Variants in MOCS2 observed in about 807,000 individuals in gnomAD.
MOCS2 encodes the protein molybdopterin synthase catalytic subunit.
In MOCS2, 13 loss-of-function variants were observed where a neutral mutation model predicts 21.9. The ratio of observed to expected loss-of-function variants is 0.59; its 90% CI spans 0.39 to 0.94. The LOEUF is 0.94. Ranked by LOEUF, MOCS2 falls within the 40% of genes least tolerant of loss-of-function variation. The probability of loss-of-function intolerance (pLI) is 0.00; values close to 1 mark genes in which losing one functional copy is unlikely to be tolerated. For synonymous variants in MOCS2, 92 were observed against 80.8 expected, an observed-to-expected ratio of 1.14 and a Z score of -0.74; for missense variants, 227 against 218.3, an observed-to-expected ratio of 1.04 and a Z score of -0.25.
rs1413292437 is a variant in MOCS2 at position 53,096,345 on chromosome 5, T to C, written c.*2257A>G. 6.6e-6 allele frequency: 1 copy of C among 152,220 alleles called. No homozygotes were observed. Among genetic ancestry groups the C allele is most frequent in the Non-Finnish European group, 1.5e-5 (1 of 68,038 alleles). The allele number at this position is 152,220 out of a possible 1,614,324, so 9.4% of individuals were successfully genotyped here. On this transcript the variant is annotated 3_prime_UTR_variant, in exon 7 of 7. Transcript: ENST00000396954. ...TACTTTCATTCAAAGATGATAAAAA[T>C]CAATTTCATTTTACCACCTGTTCAA... is the stretch of plus-strand genomic sequence containing the variant.
At chr5:53,099,283 A>C (rs906137398) in intron 6 of MOCS2, among the ~76,000 whole-genome samples, 1 of 152,222 alleles carries the variant, frequency 6.6e-6, no homozygotes, top group African/African-American at 2.4e-5. Flanking sequence ...GCATGAAAAC[A>C]AGAATATGCC....
chr5:53,106,368 A>G (rs937534760), intron 3 of MOCS2, among the ~76,000 whole-genome samples: 5 of 152,252 alleles, frequency 3.3e-5, no homozygotes, highest in African/African-American at 1.2e-4. Flanking sequence ...CTATGCAGCC[A>G]TAAGAAAGAA....
Position 53,095,783 on chromosome 5 carries a change from C to T in MOCS2, c.*2819G>A, listed in dbSNP as rs573878817. 18 of 152,196 alleles carry T rather than the reference C, an allele frequency of 1.2e-4. No individual in the cohort carries two copies. Among genetic ancestry groups the T allele is most frequent in the Non-Finnish European group, 2.5e-4 (17 of 68,018 alleles). The allele number at this position is 152,196 out of a possible 1,614,324, so 9.4% of individuals were successfully genotyped here. A position where few individuals can be genotyped will look rare whatever the true frequency, so the allele number is the denominator to read the frequency against. The stretch of plus-strand genomic sequence containing the variant: ...CTGTATTAAAGCAATCATTTATATC[C>T]CATAGTTAACTGGAAAATAATTTTA... On this transcript the variant is annotated 3_prime_UTR_variant, in exon 7 of 7. Transcript: ENST00000396954.
rs939499172 is a variant in MOCS2, at chr5:53,109,615, C to T, written c.-534G>A. On this transcript the variant is annotated 5_prime_UTR_variant, in exon 1 of 7. Coordinates refer to ENST00000396954, the MANE Select transcript of MOCS2 (RefSeq NM_004531.5). ...CAGGTTGGGGGCTAGTGGGGAGGTC[C>T]GACTGACCAAGGCTGGGTATGTGGA... 6.6e-7 allele frequency: 1 copy of T among 1,517,156 alleles called. No individual in the cohort carries two copies. The highest frequency in any genetic ancestry group is 8.9e-7 in the Non-Finnish European group (1 of 1,126,854). 94.0% of individuals were successfully genotyped at this position (1,517,156 alleles called of 1,614,324 possible). A position where few individuals can be genotyped will look rare whatever the true frequency, so the allele number is the denominator to read the frequency against.
chr5:53,098,286 A>C lies in MOCS2; in HGVS notation c.*316T>G. Reference sequence around the variant, plus strand: ...TCTGAGCTAGTTAAAGTCACTGAGGAGGGCCCATACCTCAATGTGTGTTGA... The same window carrying C: ...TCTGAGCTAGTTAAAGTCACTGAGGCGGGCCCATACCTCAATGTGTGTTGA... On this transcript the variant is annotated 3_prime_UTR_variant, in exon 7 of 7. Transcript: ENST00000396954. The C allele has an allele frequency of 6.7e-5, 21 of 313,180 alleles. No homozygotes were observed. The highest frequency in any genetic ancestry group is 2.7e-4 in the East Asian group (4 of 14,936). The allele number at this position is 313,180 out of a possible 1,614,324, so 19.4% of individuals were successfully genotyped here.
rs544116503 is a variant in MOCS2 at position 53,096,821 on chromosome 5, G to C, written c.*1781C>G. The C allele has an allele frequency of 1.4e-4, 22 of 152,258 alleles. No individual in the cohort carries two copies. Among genetic ancestry groups the C allele is most frequent in the African/African-American group, 5.1e-4 (21 of 41,548 alleles). 9.4% of individuals were successfully genotyped at this position (152,258 alleles called of 1,614,324 possible). ...ATGATTCTTTTAAAACATAAAGAAT[G>C]TTCTATGTTCTTTAAAAACATCATT... On this transcript the variant is annotated 3_prime_UTR_variant, in exon 7 of 7. Transcript: ENST00000396954.
At chr5:53,107,927 TC>T (rs1254116430) in intron 2 of MOCS2, 1 of 151,436 alleles carries the variant, frequency 6.6e-6, no homozygotes, top group Non-Finnish European at 1.5e-5. Context: ...AACTAGGACT[TC>T]CAGGTTAAAC....
Position 53,098,495 on chromosome 5 carries a change from G to C in MOCS2, c.*107C>G. The C allele has an allele frequency of 3.1e-6, 3 of 957,796 alleles. No individual in the cohort carries two copies. The South Asian group carries it at 4.0e-5, about 13-fold the overall frequency. The allele number at this position is 957,796 out of a possible 1,614,324, so 59.3% of individuals were successfully genotyped here. On this transcript the variant is annotated 3_prime_UTR_variant, in exon 7 of 7. Transcript: ENST00000396954. Reference sequence around the variant, plus strand: ...TCCCTTTTGTCCCACTAGTATAAGAGATTGTGCTTCAGTAAACTATCCTGA... The same window carrying C: ...TCCCTTTTGTCCCACTAGTATAAGACATTGTGCTTCAGTAAACTATCCTGA...
chr5:53,109,460 C>A lies in MOCS2; in HGVS notation c.-379G>T. 1 of 1,288,664 alleles carries A rather than the reference C, an allele frequency of 7.8e-7. No homozygotes were observed. 79.8% of individuals were successfully genotyped at this position (1,288,664 alleles called of 1,614,324 possible). On this transcript the variant is annotated 5_prime_UTR_variant, in exon 1 of 7. Coordinates refer to ENST00000396954, the MANE Select transcript of MOCS2 (RefSeq NM_004531.5). ...GGAGGCGCCTTCAGAACGAGTCCGT[C>A]CTTGCTGCCGTGAGCTGACAAGAGT...
At chr5:53,103,875 G>A (rs920060584) in intron 3 of MOCS2, among the ~76,000 whole-genome samples, 1 of 152,236 alleles carries the variant, frequency 6.6e-6, no homozygotes, top group Non-Finnish European at 1.5e-5. Flanking sequence ...CCCCCAGGCA[G>A]AGAGAGGGAG....
chr5:53,105,704 C>T (rs1741031368), intron 3 of MOCS2, among the ~76,000 whole-genome samples: 1 of 152,112 alleles, frequency 6.6e-6, no homozygotes, highest in South Asian at 2.1e-4. Flanking sequence ...AAAGCAATTG[C>T]AGCAAAAGCA....
Position 53,109,255 on chromosome 5 carries a change from C to A in MOCS2, c.-174G>T, listed in dbSNP as rs1741136187. The A allele has an allele frequency of 2.4e-5, 24 of 995,668 alleles. No individual in the cohort carries two copies. The highest frequency in any genetic ancestry group is 2.7e-5 in the Non-Finnish European group (23 of 836,982). The allele number at this position is 995,668 out of a possible 1,614,324, so 61.7% of individuals were successfully genotyped here. ...CCGACGAAGTAAAATAGGCACCTGTCACTCCGTGCAAACAACTCTTTACGA... is the reference window on the plus strand; with the variant it reads ...CCGACGAAGTAAAATAGGCACCTGTAACTCCGTGCAAACAACTCTTTACGA... On this transcript the variant is annotated 5_prime_UTR_variant, in exon 1 of 7. Coordinates refer to ENST00000396954, the MANE Select transcript of MOCS2 (RefSeq NM_004531.5).
chr5:53,107,380 C>T, intron 2 of MOCS2, 159 bp from the exon 3 acceptor site: 1 of 657,082 alleles, frequency 1.5e-6, no homozygotes, highest in South Asian at 1.9e-5. Flanking sequence ...AGGACATATC[C>T]ACTGAAGAAC....
intron 2 of MOCS2, chr5:53,108,089 A>G (rs1741099085): frequency 6.5e-6 from 1 of 152,998 alleles, no homozygotes; most frequent in Non-Finnish European, 1.5e-5. Context: ...AAATATTACA[A>G]AAACTCAAAT....
rs985735071 is a variant in MOCS2, at chr5:53,098,271, T to G, written c.*331A>C. 6 of 297,398 alleles carry G rather than the reference T, an allele frequency of 2.0e-5. No homozygotes were observed. Among genetic ancestry groups the G allele is most frequent in the Non-Finnish European group, 3.8e-5 (6 of 157,418 alleles). The allele number at this position is 297,398 out of a possible 1,614,324, so 18.4% of individuals were successfully genotyped here. A position where few individuals can be genotyped will look rare whatever the true frequency, so the allele number is the denominator to read the frequency against. On this transcript the variant is annotated 3_prime_UTR_variant, in exon 7 of 7. Transcript: ENST00000396954. Reference sequence around the variant, plus strand: ...GTGGGGGAGTACGTTTCTGAGCTAGTTAAAGTCACTGAGGAGGGCCCATAC... The same window carrying G: ...GTGGGGGAGTACGTTTCTGAGCTAGGTAAAGTCACTGAGGAGGGCCCATAC...
Position 53,109,452 on chromosome 5 carries a change from G to T in MOCS2, c.-371C>A. On this transcript the variant is annotated 5_prime_UTR_variant, in exon 1 of 7. Transcript: ENST00000396954. ...TAAAAGGTGGAGGCGCCTTCAGAACGAGTCCGTCCTTGCTGCCGTGAGCTG... is the reference window on the plus strand; with the variant it reads ...TAAAAGGTGGAGGCGCCTTCAGAACTAGTCCGTCCTTGCTGCCGTGAGCTG... The T allele has an allele frequency of 3.1e-6, 4 of 1,273,924 alleles. No individual in the cohort carries two copies. The highest frequency in any genetic ancestry group is 4.0e-6 in the Non-Finnish European group (4 of 1,010,798). 78.9% of individuals were successfully genotyped at this position (1,273,924 alleles called of 1,614,324 possible). A position where few individuals can be genotyped will look rare whatever the true frequency, so the allele number is the denominator to read the frequency against.
Position 53,109,555 on chromosome 5 carries a change from G to C in MOCS2, c.-474C>G, listed in dbSNP as rs1741149657. 1 of 1,402,052 alleles carries C rather than the reference G, an allele frequency of 7.1e-7. No homozygotes were observed. The highest frequency in any genetic ancestry group is 9.3e-7 in the Non-Finnish European group (1 of 1,078,748). The allele number at this position is 1,402,052 out of a possible 1,614,324, so 86.9% of individuals were successfully genotyped here. A position where few individuals can be genotyped will look rare whatever the true frequency, so the allele number is the denominator to read the frequency against. Reference sequence around the variant, plus strand: ...CCGGAGACAGGAAGGGCCCGGGGGCGGGGGCGGGGGCGCCCCCGAACCCAA... The same window carrying C: ...CCGGAGACAGGAAGGGCCCGGGGGCCGGGGCGGGGGCGCCCCCGAACCCAA... On this transcript the variant is annotated 5_prime_UTR_variant, in exon 1 of 7. Transcript: ENST00000396954.
Position 53,101,374 on chromosome 5 carries a change from ACTG to A in MOCS2, c.359_361del (p.Ala120del). On this transcript the variant is annotated inframe_deletion, in exon 5 of 7. Coordinates refer to ENST00000396954, the MANE Select transcript of MOCS2 (RefSeq NM_004531.5). The stretch of plus-strand genomic sequence containing the variant: ...GAAATCATACCCAAGTCTATGGAAC[ACTG>A]CTATGTGTTTGACTGGCCATTTCTG... 1 of 1,613,950 alleles carries A rather than the reference ACTG, an allele frequency of 6.2e-7. No homozygotes were observed. Among genetic ancestry groups the A allele is most frequent in the South Asian group, 1.1e-5 (1 of 91,082 alleles).
In MOCS2 at chr5:53,096,822, T is replaced by C. The variant is rs938185659; in HGVS notation, c.*1780A>G. On this transcript the variant is annotated 3_prime_UTR_variant, in exon 7 of 7. Transcript: ENST00000396954. Reference sequence around the variant, plus strand: ...TGATTCTTTTAAAACATAAAGAATGTTCTATGTTCTTTAAAAACATCATTA... The same window carrying C: ...TGATTCTTTTAAAACATAAAGAATGCTCTATGTTCTTTAAAAACATCATTA... 2 of 152,240 alleles carry C rather than the reference T, an allele frequency of 1.3e-5. No homozygotes were observed. The highest frequency in any genetic ancestry group is 1.5e-5 in the Non-Finnish European group (1 of 68,040). The allele number at this position is 152,240 out of a possible 1,614,324, so 9.4% of individuals were successfully genotyped here. A position where few individuals can be genotyped will look rare whatever the true frequency, so the allele number is the denominator to read the frequency against.
Sources: allele counts gnomAD v4.1 joint callset (sites outside exome capture counted in the v4.1 genomes callset), GRCh38; gene constraint gnomAD v4.1.1; transcripts MANE v1.5; gene names NCBI Gene and HGNC (gene_info 2026-07-23, HGNC 2026-07-21).